Variants in ARPP21 observed in about 807,000 individuals in gnomAD.
The protein encoded by ARPP21 is cAMP-regulated phosphoprotein 21.
In ARPP21, 69 loss-of-function variants were observed where a neutral mutation model predicts 113.2. The observed-to-expected ratio is 0.61, with a 90% CI of 0.50 to 0.74. ARPP21 has a LOEUF of 0.74. Ranked by LOEUF, ARPP21 falls within the 30% of genes least tolerant of loss-of-function variation. The pLI is 0.00. For synonymous variants in ARPP21, 368 were observed against 375.5 expected, an observed-to-expected ratio of 0.98 and a Z score of 0.23; for missense variants, 1,070 against 1,037.4, an observed-to-expected ratio of 1.03 and a Z score of -0.43.
chr3:35,690,798 T>C, intron 8 of ARPP21, 67 bp from the exon 9 acceptor site: 1 of 1,444,372 alleles, frequency 6.9e-7, no homozygotes. Context: ...GTGTGTATAC[T>C]TGTAAAAAGG....
chr3:35,751,114 A>G (rs928636445), intron 19 of ARPP21, among the ~76,000 whole-genome samples: 3 of 152,198 alleles, frequency 2.0e-5, no homozygotes, highest in Non-Finnish European at 4.4e-5. Context: ...AGACAGCTAC[A>G]TAGCAGAGTA....
At chr3:35,781,107 C>T (rs989550847) in intron 19 of ARPP21, among the ~76,000 whole-genome samples, 5 of 152,136 alleles carry the variant, frequency 3.3e-5, no homozygotes, top group Admixed American at 6.6e-5. Flanking sequence ...AGGGATCCCT[C>T]TGCCTGAGAA....
chr3:35,748,111 A>AT (rs1491190831), intron 19 of ARPP21, among the ~76,000 whole-genome samples: 4 of 83,656 alleles, frequency 4.8e-5, no homozygotes, highest in Non-Finnish European at 4.8e-5. Context: ...AGAAAGAAAG[A>AT]AGAAAGAAAG....
intron 1 of ARPP21, among the ~76,000 whole-genome samples, chr3:35,653,770 G>A (rs1703532177): frequency 6.6e-6 from 1 of 151,948 alleles, no homozygotes; most frequent in African/African-American, 2.4e-5. Context: ...TTCTCTACAT[G>A]TACTGACTAT....
At chr3:35,642,251 A>G (rs148258591) in intron 1 of ARPP21, 1 of 152,232 alleles carries the variant, frequency 6.6e-6, no homozygotes, top group East Asian at 1.9e-4. Flanking sequence ...GAACTGTGGT[A>G]TTAGCCATGT....
At chr3:35,685,332 T>C (rs2080224419) in intron 5 of ARPP21, 1 of 985,230 alleles carries the variant, frequency 1.0e-6, no homozygotes, top group Non-Finnish European at 1.2e-6. Context: ...ACTAGCTTTG[T>C]AGGAGAGAAT....
chr3:35,729,371 A>G lies in ARPP21; in HGVS notation c.1294A>G (p.Thr432Ala). ...LSRTHPPLQSTPLVSGVAAGS... is the reference protein window; with the variant it reads ...LSRTHPPLQSAPLVSGVAAGS... ...CCGCACCCATCCACCTCTCCAGAGC[A>G]CACCCCTAGTCTCAGGTGTGGCAGC... The change falls in exon 15 of 21, where the codon ACA becomes GCA. Residue 432 changes from threonine (T) to alanine (A), a missense_variant. Physicochemically the swap from Thr to Ala is moderately conservative, Grantham distance 58. Transcript: ENST00000684406. 1 of 1,614,136 alleles carries G rather than the reference A, an allele frequency of 6.2e-7. No individual in the cohort carries two copies. Among genetic ancestry groups the G allele is most frequent in the Non-Finnish European group, 8.5e-7 (1 of 1,180,022 alleles).
intron 1 of ARPP21, among the ~76,000 whole-genome samples, chr3:35,662,367 G>T (rs1228886630): frequency 6.6e-6 from 1 of 152,190 alleles, no homozygotes; most frequent in Non-Finnish European, 1.5e-5. Context: ...TATCACTACT[G>T]CAAAGCATTT....
At chr3:35,748,074 GA>G (rs2095209013) in intron 19 of ARPP21, among the ~76,000 whole-genome samples, 34 of 105,776 alleles carry the variant, frequency 3.2e-4, no homozygotes, top group Middle Eastern at 6.0e-3. Flanking sequence ...AAGGAAGAAA[GA>G]AAGAAAGAAA....
At chr3:35,722,598 T>C (rs1365341965) in intron 14 of ARPP21, among the ~76,000 whole-genome samples, 2 of 152,202 alleles carry the variant, frequency 1.3e-5, no homozygotes, top group Non-Finnish European at 2.9e-5. Context: ...GGTTTAGAGT[T>C]TCCAAGTTAC....
chr3:35,667,508 A>C (rs556263002), intron 1 of ARPP21, among the ~76,000 whole-genome samples: 1 of 152,238 alleles, frequency 6.6e-6, no homozygotes, highest in African/African-American at 2.4e-5. Flanking sequence ...TTTTAAAATA[A>C]CTTATGTGAG....
intron 19 of ARPP21, among the ~76,000 whole-genome samples, chr3:35,790,616 A>AGGTC (rs1194325492): frequency 6.6e-6 from 1 of 152,218 alleles, no homozygotes; most frequent in Non-Finnish European, 1.5e-5. Flanking sequence ...TCTTGTTCCC[A>AGGTC]GGTCTGATGG....
At chr3:35,685,608 G>T in intron 5 of ARPP21, 3 of 985,216 alleles carry the variant, frequency 3.0e-6, no homozygotes, top group Non-Finnish European at 3.6e-6. Flanking sequence ...CACAGTATTT[G>T]GAAAACTGCC....
At chr3:35,762,724 G>T (rs2095828324) in intron 19 of ARPP21, among the ~76,000 whole-genome samples, 1 of 152,048 alleles carries the variant, frequency 6.6e-6, no homozygotes, top group Non-Finnish European at 1.5e-5. Context: ...AAAAAGGAGG[G>T]TTCTAAGACG....
At chr3:35,770,204 CT>C (rs1409176644) in intron 19 of ARPP21, among the ~76,000 whole-genome samples, 1 of 152,166 alleles carries the variant, frequency 6.6e-6, no homozygotes, top group Non-Finnish European at 1.5e-5. Flanking sequence ...AACTATGCTT[CT>C]AAATTATCTT....
At chr3:35,747,947 AAAAG>A (rs71082212) in intron 19 of ARPP21, among the ~76,000 whole-genome samples, 6 of 142,936 alleles carry the variant, frequency 4.2e-5, no homozygotes, top group South Asian at 2.2e-4. Flanking sequence ...GAAAGAAAGA[AAAAG>A]AAAGAAAGAA....
chr3:35,721,743 G>C lies in ARPP21; in HGVS notation c.1134G>C (p.Met378Ile). 1 of 1,613,902 alleles carries C rather than the reference G, an allele frequency of 6.2e-7. No individual in the cohort carries two copies. Among genetic ancestry groups the C allele is most frequent in the Non-Finnish European group, 8.5e-7 (1 of 1,179,914 alleles). ...CCAACCGCAATCTAAAGCCCGCCAT[G>C]ACCAAGACGGCGAGTTTTGGGGGCA... ...DSSNRNLKPA[M>I]TKTASFGGIT... is the part of the protein sequence containing the mutation. The change falls in exon 14 of 21, where the codon ATG (methionine) becomes ATC (isoleucine). Residue 378 changes from methionine to isoleucine, a missense_variant. Transcript: ENST00000684406.
chr3:35,744,988 C>T (rs921733911), intron 19 of ARPP21, among the ~76,000 whole-genome samples: 2 of 152,156 alleles, frequency 1.3e-5, no homozygotes, highest in South Asian at 4.1e-4. Context: ...TAAATTCCCC[C>T]GTATTGTGGA....
intron 10 of ARPP21, 77 bp from the exon 11 acceptor site, chr3:35,708,892 T>C: frequency 1.1e-6 from 1 of 920,058 alleles, no homozygotes; most frequent in Non-Finnish European, 1.7e-6. Flanking sequence ...TTTATTATTC[T>C]TAGCTGACAG....
Sources: gnomAD v4.1 joint callset for allele counts (sites outside exome capture counted in the v4.1 genomes callset) on GRCh38, gnomAD v4.1.1 for gene constraint, MANE v1.5 for transcripts, NCBI Gene and HGNC (gene_info 2026-07-23, HGNC 2026-07-21) for gene names.